Variants in PTPRT observed in about 807,000 individuals in gnomAD.
PTPRT encodes the protein protein tyrosine phosphatase receptor type T.
In PTPRT, 56 loss-of-function variants were observed where a neutral mutation model predicts 176.8. That is an observed-to-expected ratio of 0.32 (90% CI 0.26 to 0.40). The LOEUF (loss-of-function observed/expected upper bound fraction) is 0.40. PTPRT is among the 10% of genes least tolerant of loss of function. The probability of loss-of-function intolerance (pLI) is 1.00; values close to 1 mark genes in which losing one functional copy is unlikely to be tolerated. For synonymous variants in PTPRT, 783 were observed against 739.0 expected (o/e 1.06, Z -0.96); for missense variants, 1,540 against 1,908.2 (o/e 0.81, Z 3.60).
intron 15 of PTPRT, among the ~76,000 whole-genome samples, chr20:42,207,015 C>T (rs979309543): frequency 6.6e-6 from 1 of 152,168 alleles, no homozygotes; most frequent in African/African-American, 2.4e-5. Flanking sequence ...CTGGGAGGCA[C>T]CCCCCAGCAG....
intron 5 of PTPRT, among the ~76,000 whole-genome samples, chr20:42,769,870 C>A (rs189021241): frequency 6.6e-6 from 1 of 152,126 alleles, no homozygotes; most frequent in Non-Finnish European, 1.5e-5. Context: ...GGGTACATAC[C>A]GCATGCTTCC....
chr20:42,596,300 T>C (rs961311981), intron 7 of PTPRT, among the ~76,000 whole-genome samples: 4 of 152,188 alleles, frequency 2.6e-5, no homozygotes, highest in Non-Finnish European at 5.9e-5. Flanking sequence ...CTTTGCCAAT[T>C]CTACTTCTGA....
At chr20:42,490,230 A>C (rs552984603) in intron 7 of PTPRT, among the ~76,000 whole-genome samples, 25 of 152,192 alleles carry the variant, frequency 1.6e-4, no homozygotes, top group Middle Eastern at 3.4e-3. Context: ...TTTCCCCTCT[A>C]TATATATTTA....
chr20:42,263,091 T>A (rs568753338), intron 13 of PTPRT, among the ~76,000 whole-genome samples: 1 of 152,204 alleles, frequency 6.6e-6, no homozygotes, highest in Non-Finnish European at 1.5e-5. Flanking sequence ...GAGGAGGAAA[T>A]AAAATTGGAG....
At position 42,073,465 on chromosome 20, in the gene PTPRT, TAGAA is replaced by T. The variant is rs1185182567; in HGVS notation, c.*7410_*7413del. 1 of 201,102 alleles carries T rather than the reference TAGAA, an allele frequency of 5.0e-6. No homozygotes were observed. Among genetic ancestry groups the T allele is most frequent in the Non-Finnish European group, 1.0e-5 (1 of 97,280 alleles). The allele number at this position is 201,102 out of a possible 1,614,324, so 12.5% of individuals were successfully genotyped here. ...AACAGGCCTTGAATAGGGAGTGGGG[TAGAA>T]ATAACCTCTGGAGATAATGTGTATG... is the stretch of plus-strand genomic sequence containing the variant. On this transcript the variant is annotated 3_prime_UTR_variant, in exon 31 of 31. Transcript: ENST00000373187.
At chr20:43,090,701 T>G (rs567458244) in intron 1 of PTPRT, among the ~76,000 whole-genome samples, 12 of 151,966 alleles carry the variant, frequency 7.9e-5, no homozygotes, top group African/African-American at 2.9e-4. Flanking sequence ...TTAAAGAAAT[T>G]TCCTAGAATA....
chr20:42,216,965 T>C (rs1366666792), intron 15 of PTPRT, among the ~76,000 whole-genome samples: 2 of 152,302 alleles, frequency 1.3e-5, no homozygotes, highest in Admixed American at 6.5e-5. Context: ...TCCGAGTTCC[T>C]AGGAGACGCT....
chr20:42,387,284 A>G (rs2058753953), intron 9 of PTPRT, among the ~76,000 whole-genome samples: 2 of 152,224 alleles, frequency 1.3e-5, no homozygotes, highest in South Asian at 4.1e-4. Context: ...AGGCCAAACA[A>G]CTTTAACCAG....
At chr20:42,827,751 CTG>C (rs2078020324) in intron 2 of PTPRT, among the ~76,000 whole-genome samples, 1 of 151,704 alleles carries the variant, frequency 6.6e-6, no homozygotes, top group Non-Finnish European at 1.5e-5. Flanking sequence ...CTCAAGAGAT[CTG>C]ATGGTTTTAA....
At chr20:42,090,706 G>C (rs1049810623) in intron 27 of PTPRT, among the ~76,000 whole-genome samples, 3 of 152,266 alleles carry the variant, frequency 2.0e-5, no homozygotes, top group African/African-American at 7.2e-5. Context: ...CAACTCCTGG[G>C]GAGGGAAAGC....
chr20:43,110,798 G>A (rs1185127560), intron 1 of PTPRT, among the ~76,000 whole-genome samples: 1 of 152,244 alleles, frequency 6.6e-6, no homozygotes, highest in East Asian at 1.9e-4. Context: ...AGCAGAGGAG[G>A]AGAAGGCAAA....
chr20:42,274,233 A>G (rs1475740617), intron 13 of PTPRT, among the ~76,000 whole-genome samples: 2 of 152,226 alleles, frequency 1.3e-5, no homozygotes, highest in African/African-American at 4.8e-5. Flanking sequence ...AAGTGGCATG[A>G]GTCATTTCCG....
chr20:42,492,465 T>C (rs2071576785), intron 7 of PTPRT, among the ~76,000 whole-genome samples: 1 of 151,778 alleles, frequency 6.6e-6, no homozygotes, highest in Non-Finnish European at 1.5e-5. Flanking sequence ...TTCTTCATGT[T>C]CCTTTTTTTT....
intron 2 of PTPRT, among the ~76,000 whole-genome samples, chr20:42,871,948 G>A (rs144453768): frequency 6.6e-6 from 1 of 152,132 alleles, no homozygotes; most frequent in Non-Finnish European, 1.5e-5. Flanking sequence ...GGAAGCTATA[G>A]GTCTTATTTT....
intron 7 of PTPRT, among the ~76,000 whole-genome samples, chr20:42,589,232 G>C (rs560446539): frequency 9.9e-5 from 15 of 152,266 alleles, no homozygotes; most frequent in African/African-American, 3.6e-4. Flanking sequence ...TTATGGAGGT[G>C]GGGGAGTTCT....
At chr20:43,188,508 C>T (rs1421883222) in intron 1 of PTPRT, among the ~76,000 whole-genome samples, 1 of 152,166 alleles carries the variant, frequency 6.6e-6, no homozygotes, top group Admixed American at 6.6e-5. Context: ...CGTTCTTTTG[C>T]TCTTTCTTTC....
chr20:43,058,384 G>C (rs1987325360), intron 1 of PTPRT, among the ~76,000 whole-genome samples: 1 of 151,446 alleles, frequency 6.6e-6, no homozygotes, highest in Admixed American at 6.6e-5. Context: ...GGAGAGAAGA[G>C]AGAAAGAGAG....
rs192707751 is a variant in PTPRT, at chr20:42,106,717, G to A, written c.3390+69C>T. The A allele has an allele frequency of 2.0e-4, 318 of 1,564,418 alleles. 1 individual carries two copies. Among genetic ancestry groups the A allele is most frequent in the Middle Eastern group, 6.8e-4 (4 of 5,850 alleles). ...GATGCCCCTACCTATGTGTCTCTCCGTTCTATCATCATGTTTCTCCTTGGT... is the reference window on the plus strand; with the variant it reads ...GATGCCCCTACCTATGTGTCTCTCCATTCTATCATCATGTTTCTCCTTGGT... On this transcript the variant is annotated intron_variant, in intron 24 of 30. Transcript: ENST00000373187.
At chr20:42,183,768 G>A (rs1044677267) in intron 16 of PTPRT, among the ~76,000 whole-genome samples, 2 of 152,078 alleles carry the variant, frequency 1.3e-5, no homozygotes, top group Non-Finnish European at 2.9e-5. Flanking sequence ...CTTAAATTTA[G>A]GCTAATATGT....
Sources: allele counts gnomAD v4.1 joint callset (sites outside exome capture counted in the v4.1 genomes callset), GRCh38; gene constraint gnomAD v4.1.1; transcripts MANE v1.5; gene names NCBI Gene and HGNC (gene_info 2026-07-23, HGNC 2026-07-21).